GYPB: variants seen among roughly 807,000 people sequenced by gnomAD.
GYPB encodes the protein glycophorin-B.
Under a neutral mutation model 15.3 loss-of-function variants are expected in GYPB, and 13 were observed. The ratio of observed to expected loss-of-function variants is 0.85; its 90% confidence interval spans 0.55 to 1.35. GYPB has a LOEUF of 1.35. Ranked by LOEUF, GYPB falls within the 40% of genes most tolerant of loss-of-function variation. The pLI is 0.00. For missense variants in GYPB, 131 were observed against 108.3 expected, an observed-to-expected ratio of 1.21 and a Z score of -0.93; for synonymous variants, 38 against 36.9, an observed-to-expected ratio of 1.03 and a Z score of -0.11.
chr4:144,008,259 G>A (rs1470916995), intron 1 of GYPB: 3 of 400,968 alleles, frequency 7.5e-6, no homozygotes, highest in African/African-American at 2.1e-5. Flanking sequence ...GTAGCAGAAA[G>A]AGAATGAGGG....
chr4:143,997,063 A>G (rs1005253127), intron 4 of GYPB, among the ~76,000 whole-genome samples: 1 of 150,994 alleles, frequency 6.6e-6, no homozygotes, highest in African/African-American at 2.5e-5. Context: ...TGCACCACCA[A>G]GCCTTTCTAA....
intron 1 of GYPB, chr4:144,002,695 C>G: frequency 7.8e-7 from 1 of 1,286,586 alleles, no homozygotes; most frequent in Non-Finnish European, 1.0e-6. Flanking sequence ...TCAAAGTTTC[C>G]TGGAGAGCAC....
chr4:144,017,616 T>TA (rs1238105020), intron 1 of GYPB, among the ~76,000 whole-genome samples: 49 of 149,132 alleles, frequency 3.3e-4, no homozygotes, highest in Middle Eastern at 6.9e-3. Flanking sequence ...TGTAGAAATT[T>TA]AAAAAAAAAA....
intron 1 of GYPB, among the ~76,000 whole-genome samples, chr4:144,001,968 CAA>C (rs374342942): frequency 5.2e-4 from 50 of 96,258 alleles, no homozygotes; most frequent in Admixed American, 2.8e-3. Context: ...GATTCCGTTT[CAA>C]AAAAAAAAAA....
rs74754633 is a variant in GYPB, at chr4:144,005,553, G to T, written c.38-4270C>A. The stretch of plus-strand genomic sequence containing the variant: ...CCCTCAGTGTCCTTATACCATAGCC[G>T]CTATGAGAAATTATATTTTGCTCTA... On this transcript the variant is annotated intron_variant, in intron 1 of 4. Coordinates refer to ENST00000502664, the MANE Select transcript of GYPB (RefSeq NM_002100.6). Among the ~76,000 whole-genome samples, 29 of 130,876 alleles carry T rather than the reference G, an allele frequency of 2.2e-4. 2 individuals carry two copies. Among genetic ancestry groups the T allele is most frequent in the African/African-American group, 8.2e-4 (28 of 34,054 alleles). The allele number at this position is 130,876 out of a possible 152,430, so 85.9% of individuals were successfully genotyped here.
chr4:144,008,477 G>T (rs1418908606), intron 1 of GYPB: 1 of 455,144 alleles, frequency 2.2e-6, no homozygotes, highest in East Asian at 6.9e-5. Flanking sequence ...CATTACGGAA[G>T]AGAAGATGGT....
At chr4:144,019,032 T>C (rs1277411314) in intron 1 of GYPB, among the ~76,000 whole-genome samples, 1 of 151,350 alleles carries the variant, frequency 6.6e-6, no homozygotes, top group Non-Finnish European at 1.5e-5. Flanking sequence ...AAGCTTCTCA[T>C]ACTAGAAAAC....
chr4:144,004,795 C>G (rs540330083), intron 1 of GYPB, among the ~76,000 whole-genome samples: 140 of 151,984 alleles, frequency 9.2e-4, no homozygotes, highest in African/African-American at 3.3e-3. Flanking sequence ...TCCTAAGACC[C>G]TAACCAGCTA....
chr4:144,016,692 A>G (rs1390537382), intron 1 of GYPB: 1 of 340,508 alleles, frequency 2.9e-6, no homozygotes, highest in Non-Finnish European at 5.8e-6. Context: ...GGTTTATGCC[A>G]TAATTTCCTA....
At chr4:144,013,793 G>C (rs1301752670) in intron 1 of GYPB, among the ~76,000 whole-genome samples, 1 of 150,892 alleles carries the variant, frequency 6.6e-6, no homozygotes, top group African/African-American at 2.5e-5. Context: ...AGGGGGAAGG[G>C]ATAGCATCGG....
chr4:144,010,966 CAT>C (rs2149966474), intron 1 of GYPB, among the ~76,000 whole-genome samples: 1 of 151,528 alleles, frequency 6.6e-6, no homozygotes, highest in East Asian at 1.9e-4. Flanking sequence ...AACAAGGAAT[CAT>C]ATAATAAAAT....
chr4:143,999,532 C>T lies in GYPB; in HGVS notation c.137-83G>A, dbSNP rs561516875. 2,863 of 740,470 alleles carry T rather than the reference C, an allele frequency of 3.9e-3. 14 individuals carry two copies. The highest frequency in any genetic ancestry group is 5.4e-3 in the Non-Finnish European group (2,301 of 427,490). The allele number at this position is 740,470 out of a possible 1,614,324, so 45.9% of individuals were successfully genotyped here. Reference sequence around the variant, plus strand: ...ATCATTTTGGAATCAAACTGTTCTGCGGGTTTCCTTTTCTTAATCATATTT... The same window carrying T: ...ATCATTTTGGAATCAAACTGTTCTGTGGGTTTCCTTTTCTTAATCATATTT... On this transcript the variant is annotated intron_variant, in intron 2 of 4. Coordinates refer to ENST00000502664, the MANE Select transcript of GYPB (RefSeq NM_002100.6).
At chr4:144,016,195 C>T (rs4835511) in intron 1 of GYPB, among the ~76,000 whole-genome samples, 9,933 of 131,096 alleles carry the variant, frequency 0.076, 1,168 homozygotes, top group African/African-American at 0.22. Context: ...CTTCACTTAA[C>T]ATGTGCTTCT....
chr4:144,013,069 A>G (rs1220025269), intron 1 of GYPB, among the ~76,000 whole-genome samples: 1 of 151,706 alleles, frequency 6.6e-6, no homozygotes, highest in Non-Finnish European at 1.5e-5. Flanking sequence ...CTCTTTATCC[A>G]GAACATAGAA....
rs192773740 is a variant in GYPB at position 144,009,737 on chromosome 4, C to G, written c.38-8454G>C. 8.9e-3 allele frequency among the ~76,000 whole-genome samples: 1,299 copies of G among 146,072 alleles called. 81 individuals are homozygous for G. The highest frequency in any genetic ancestry group is 0.032 in the African/African-American group (1,240 of 38,448). ...CACTCCATTCTCCTGCCTCAGCCTC[C>G]CAAGTAGCTGGGACTACAGGCACCC... On this transcript the variant is annotated intron_variant, in intron 1 of 4. Transcript: ENST00000502664.
chr4:143,998,835 T>A (rs1379439548), intron 3 of GYPB, among the ~76,000 whole-genome samples: 2 of 145,940 alleles, frequency 1.4e-5, no homozygotes, highest in African/African-American at 5.2e-5. Context: ...AGGTAAAACA[T>A]CTAACTTAAG....
At chr4:144,008,707 A>G (rs1560711563) in intron 1 of GYPB, among the ~76,000 whole-genome samples, 4 of 151,674 alleles carry the variant, frequency 2.6e-5, no homozygotes, top group Admixed American at 6.5e-5. Flanking sequence ...AATAATTTCA[A>G]TTGAAAAGAA....
At chr4:144,001,590 G>GA (rs1291470539) in intron 1 of GYPB, among the ~76,000 whole-genome samples, 6 of 151,252 alleles carry the variant, frequency 4.0e-5, no homozygotes, top group Non-Finnish European at 8.8e-5. Context: ...TTGTGAGAAC[G>GA]AATTAGTTTA....
chr4:144,006,132 G>T (rs1452622264), intron 1 of GYPB, among the ~76,000 whole-genome samples: 2 of 151,870 alleles, frequency 1.3e-5, no homozygotes, highest in East Asian at 1.9e-4. Flanking sequence ...AATGGCATTT[G>T]CTATGGTACT....
Sources: allele counts gnomAD v4.1 joint callset (sites outside exome capture counted in the v4.1 genomes callset), GRCh38; gene constraint gnomAD v4.1.1; transcripts MANE v1.5; gene names NCBI Gene and HGNC (gene_info 2026-07-23, HGNC 2026-07-21).